ARHGAP10: variants seen among roughly 807,000 people sequenced by gnomAD.
ARHGAP10 encodes rho GTPase-activating protein 10.
Under a neutral mutation model 108.6 loss-of-function variants are expected in ARHGAP10, and 87 were observed. The ratio of observed to expected loss-of-function variants is 0.80; its 90% confidence interval spans 0.67 to 0.96. The LOEUF is 0.96. Ranked by LOEUF, ARHGAP10 falls within the 40% of genes least tolerant of loss-of-function variation. ARHGAP10 has a pLI of 0.00. For missense variants in ARHGAP10, 939 were observed against 954.5 expected (o/e 0.98, Z 0.21); for synonymous variants, 347 against 341.1 (o/e 1.02, Z -0.19).
intron 16 of ARHGAP10, among the ~76,000 whole-genome samples, chr4:147,963,522 G>A (rs916019666): frequency 2.0e-5 from 3 of 152,172 alleles, no homozygotes; most frequent in Non-Finnish European, 4.4e-5. Context: ...TTATTTGATA[G>A]TTTTCCAATC....
At chr4:147,839,134 A>ATCTG (rs1213326296) in intron 3 of ARHGAP10, among the ~76,000 whole-genome samples, 42 of 144,022 alleles carry the variant, frequency 2.9e-4, no homozygotes, top group South Asian at 1.4e-3. Context: ...CTATCTATCT[A>ATCTG]TCTATCTATC....
At position 147,779,529 on chromosome 4, in the gene ARHGAP10, AG is replaced by A. The variant is rs572959556; in HGVS notation, c.155-43197del. Reference sequence around the variant, plus strand: ...TGTCCCCCAGATGGATTATCTCAGGAGTGCATTTGGGAGAGAGAATTGGAAG... The same window carrying A: ...TGTCCCCCAGATGGATTATCTCAGGATGCATTTGGGAGAGAGAATTGGAAG... On this transcript the variant is annotated intron_variant, in intron 1 of 22. Transcript: ENST00000336498. 3.3e-5 allele frequency among the ~76,000 whole-genome samples: 5 copies of A among 152,256 alleles called. No individual in the cohort carries two copies. The East Asian group carries it at 9.6e-4, about 29-fold the overall frequency.
chr4:148,023,296 G>A lies in ARHGAP10; in HGVS notation c.1750G>A (p.Glu584Lys). Residue 584 changes from glutamate to lysine, a missense_variant, in exon 19 of 23, where the codon GAG (glutamate) becomes AAG (lysine). Physicochemically the swap from Glu to Lys is moderately conservative, Grantham distance 56. Coordinates refer to ENST00000336498, the MANE Select transcript of ARHGAP10 (RefSeq NM_024605.4). The stretch of plus-strand genomic sequence containing the variant: ...GACGCCGCCCGATACTACATTCCCT[G>A]AGCCCACCTGCCTGTCAGCATCACC... Reference protein sequence around the residue: ...FRTPPDTTFPEPTCLSASPPN... With the variant: ...FRTPPDTTFPKPTCLSASPPN... The A allele has an allele frequency of 6.2e-7, 1 of 1,614,116 alleles. No individual in the cohort carries two copies. Among genetic ancestry groups the A allele is most frequent in the Non-Finnish European group, 8.5e-7 (1 of 1,179,978 alleles).
intron 18 of ARHGAP10, among the ~76,000 whole-genome samples, chr4:147,998,791 G>A (rs1382101497): frequency 6.6e-6 from 1 of 152,208 alleles, no homozygotes; most frequent in Non-Finnish European, 1.5e-5. Context: ...CAATGAAACA[G>A]AAATTGTAGC....
At chr4:147,878,845 C>T (rs1448206133) in intron 8 of ARHGAP10, among the ~76,000 whole-genome samples, 4 of 144,872 alleles carry the variant, frequency 2.8e-5, no homozygotes, top group South Asian at 2.1e-4. Context: ...GGCGCGATCT[C>T]GGCTCACTGC....
At chr4:147,948,222 T>A (rs1274737813) in intron 15 of ARHGAP10, among the ~76,000 whole-genome samples, 2 of 152,134 alleles carry the variant, frequency 1.3e-5, no homozygotes, top group African/African-American at 2.4e-5. Context: ...TACCTGCCAC[T>A]TTTTAAAGAT....
chr4:147,784,852 TATAA>T (rs1411048890), intron 1 of ARHGAP10, among the ~76,000 whole-genome samples: 1 of 104,634 alleles, frequency 9.6e-6, no homozygotes, highest in Non-Finnish European at 1.8e-5. Flanking sequence ...AAATATATAT[TATAA>T]ATATATTATA....
At chr4:147,774,025 A>G (rs370853738) in intron 1 of ARHGAP10, among the ~76,000 whole-genome samples, 3 of 152,274 alleles carry the variant, frequency 2.0e-5, no homozygotes, top group East Asian at 3.9e-4. Context: ...TTGTGATCTC[A>G]GGCAAGTTAC....
chr4:148,009,672 A>G (rs1023528507), intron 18 of ARHGAP10, among the ~76,000 whole-genome samples: 5 of 152,312 alleles, frequency 3.3e-5, no homozygotes, highest in Middle Eastern at 3.4e-3. Context: ...ATCTTTTTCT[A>G]CATTTCCAGA....
At position 147,732,526 on chromosome 4, in the gene ARHGAP10, G is replaced by A. The variant is rs966611429; in HGVS notation, c.154+71G>A. 22 of 1,586,546 alleles carry A rather than the reference G, an allele frequency of 1.4e-5. No individual in the cohort carries two copies. The African/African-American group carries it at 2.9e-4, about 21-fold the overall frequency. ...GCTGGGGGAGCCTCTCTCGGCAGGAGACGGAGGGTCTTGTGTCCGGGGCCA... is the reference window on the plus strand; with the variant it reads ...GCTGGGGGAGCCTCTCTCGGCAGGAAACGGAGGGTCTTGTGTCCGGGGCCA... On this transcript the variant is annotated intron_variant, in intron 1 of 22. Transcript: ENST00000336498.
chr4:147,921,571 G>A (rs1470084538), intron 13 of ARHGAP10, among the ~76,000 whole-genome samples: 1 of 152,174 alleles, frequency 6.6e-6, no homozygotes, highest in African/African-American at 2.4e-5. Context: ...AGAGCATGTG[G>A]ATGTAAGGCA....
chr4:147,971,458 G>A (rs757680342), intron 18 of ARHGAP10, among the ~76,000 whole-genome samples: 3 of 152,178 alleles, frequency 2.0e-5, no homozygotes, highest in Admixed American at 6.5e-5. Flanking sequence ...GAGAATGAGC[G>A]AGAAAGTGGC....
At position 147,857,583 on chromosome 4, in the gene ARHGAP10, G is replaced by GA; in HGVS notation, c.419dup (p.Asn141GlufsTer3). 6.8e-7 allele frequency: 1 copy of GA among 1,481,150 alleles called. No homozygotes were observed. Among genetic ancestry groups the GA allele is most frequent in the Non-Finnish European group, 8.9e-7 (1 of 1,117,628 alleles). 91.8% of individuals were successfully genotyped at this position (1,481,150 alleles called of 1,614,324 possible). A position where few individuals can be genotyped will look rare whatever the true frequency, so the allele number is the denominator to read the frequency against. On this transcript the variant is annotated frameshift_variant, in exon 5 of 23. Coordinates refer to ENST00000336498, the MANE Select transcript of ARHGAP10 (RefSeq NM_024605.4). LOFTEE classifies it high-confidence loss of function. ...AAAAAAGAAGTTTGACAAAGAGACA[G>GA]AAAAGAATTATAGTCTAATTGATAA...
chr4:147,867,930 T>C (rs1028160669), intron 7 of ARHGAP10, among the ~76,000 whole-genome samples: 7 of 132,582 alleles, frequency 5.3e-5, no homozygotes, highest in Non-Finnish European at 8.9e-5. Flanking sequence ...TTCTAACTTT[T>C]TTTTTTTTTT....
intron 22 of ARHGAP10, among the ~76,000 whole-genome samples, chr4:148,070,650 C>T (rs1168359103): frequency 1.3e-5 from 2 of 152,166 alleles, no homozygotes; most frequent in African/African-American, 2.4e-5. Context: ...ATTGCATGCG[C>T]GCAGTGAGGG....
intron 12 of ARHGAP10, among the ~76,000 whole-genome samples, chr4:147,911,993 A>ATATATGTGTG (rs1560822641): frequency 1.8e-4 from 20 of 108,694 alleles, no homozygotes; most frequent in African/African-American, 8.2e-4. Context: ...AAGAACATTC[A>ATATATGTGTG]CGTGTGTGTG....
intron 1 of ARHGAP10, among the ~76,000 whole-genome samples, chr4:147,799,319 CTT>C (rs1352912831): frequency 6.6e-6 from 1 of 152,098 alleles, no homozygotes; most frequent in East Asian, 1.9e-4. Context: ...GATGGCCTCT[CTT>C]TGTTTATTCT....
intron 1 of ARHGAP10, among the ~76,000 whole-genome samples, chr4:147,814,200 T>C (rs1346294070): frequency 1.3e-5 from 2 of 152,144 alleles, no homozygotes; most frequent in East Asian, 3.9e-4. Context: ...CAACAAGTCG[T>C]TGGTCGTTTC....
At chr4:147,740,821 T>C (rs1422603437) in intron 1 of ARHGAP10, among the ~76,000 whole-genome samples, 1 of 152,228 alleles carries the variant, frequency 6.6e-6, no homozygotes, top group African/African-American at 2.4e-5. Flanking sequence ...AGTCTCACAA[T>C]AAACATTCAT....
Sources: gnomAD v4.1 joint callset for allele counts (sites outside exome capture counted in the v4.1 genomes callset) on GRCh38, gnomAD v4.1.1 for gene constraint, MANE v1.5 for transcripts, NCBI Gene and HGNC (gene_info 2026-07-23, HGNC 2026-07-21) for gene names.